JAZF1: variants seen among roughly 807,000 people sequenced by gnomAD.
JAZF1 encodes JAZF zinc finger 1, also known as juxtaposed with another zinc finger protein 1.
In JAZF1, 8 loss-of-function variants were observed where a neutral mutation model predicts 26.4. The ratio of observed to expected loss-of-function variants is 0.30; its 90% CI spans 0.18 to 0.55. The LOEUF is 0.55. JAZF1 is among the 20% of genes least tolerant of loss of function. JAZF1 has a pLI of 0.94. For missense variants in JAZF1, 199 were observed against 322.0 expected, an observed-to-expected ratio of 0.62 and a Z score of 2.92; for synonymous variants, 126 against 122.3, an observed-to-expected ratio of 1.03 and a Z score of -0.20.
intron 1 of JAZF1, among the ~76,000 whole-genome samples, chr7:28,004,763 G>T (rs1010406264): frequency 6.6e-6 from 1 of 151,928 alleles, no homozygotes; most frequent in Middle Eastern, 3.4e-3. Flanking sequence ...AGTGATTCTC[G>T]TGCCTTGGTC....
chr7:28,055,964 A>G (rs1783699438), intron 1 of JAZF1, among the ~76,000 whole-genome samples: 1 of 152,296 alleles, frequency 6.6e-6, no homozygotes, highest in African/African-American at 2.4e-5. Context: ...AATTCTCAGA[A>G]AACATTGTAC....
At chr7:28,144,083 T>C (rs849140) in intron 1 of JAZF1, among the ~76,000 whole-genome samples, 88,304 of 152,062 alleles carry the variant, frequency 0.58, 25,895 homozygotes, top group East Asian at 0.7. Flanking sequence ...TCTGCATTTG[T>C]AGCATGTTTA....
intron 1 of JAZF1, among the ~76,000 whole-genome samples, chr7:28,168,129 T>C (rs1324500435): frequency 6.6e-6 from 1 of 152,152 alleles, no homozygotes; most frequent in African/African-American, 2.4e-5. Flanking sequence ...ATGCCTGTAA[T>C]CCCAGCACTT....
At chr7:28,021,168 G>A (rs1046604797) in intron 1 of JAZF1, among the ~76,000 whole-genome samples, 3 of 152,120 alleles carry the variant, frequency 2.0e-5, no homozygotes, top group Non-Finnish European at 4.4e-5. Context: ...CGGCGGACAC[G>A]GGCCGAGAGA....
intron 1 of JAZF1, among the ~76,000 whole-genome samples, chr7:28,023,941 A>G (rs1783048125): frequency 6.6e-6 from 1 of 152,166 alleles, no homozygotes; most frequent in African/African-American, 2.4e-5. Flanking sequence ...CTTAGAATAG[A>G]TAACATTTAA....
intron 2 of JAZF1, among the ~76,000 whole-genome samples, chr7:27,896,761 T>C (rs540750295): frequency 6.6e-6 from 1 of 152,356 alleles, no homozygotes; most frequent in East Asian, 1.9e-4. Context: ...TCTATTTTTA[T>C]ACTTGGAACA....
At chr7:28,010,835 G>A (rs1242354146) in intron 1 of JAZF1, among the ~76,000 whole-genome samples, 1 of 152,198 alleles carries the variant, frequency 6.6e-6, no homozygotes, top group Non-Finnish European at 1.5e-5. Flanking sequence ...ATTATTAAAC[G>A]ACATCACAAC....
At chr7:28,137,087 A>G (rs1386664279) in intron 1 of JAZF1, among the ~76,000 whole-genome samples, 1 of 152,200 alleles carries the variant, frequency 6.6e-6, no homozygotes, top group Non-Finnish European at 1.5e-5. Flanking sequence ...GGGGCACTGG[A>G]AAGCAGTGAC....
chr7:27,891,114 A>C (rs1264796212), intron 3 of JAZF1, among the ~76,000 whole-genome samples: 2 of 152,182 alleles, frequency 1.3e-5, no homozygotes, highest in East Asian at 1.9e-4. Context: ...TAAAAGGAGA[A>C]GGGTATGAAT....
chr7:28,133,214 A>G (rs7792472), intron 1 of JAZF1, among the ~76,000 whole-genome samples: 5,440 of 152,334 alleles, frequency 0.036, 304 homozygotes, highest in African/African-American at 0.12. Flanking sequence ...CATTATGCAC[A>G]TTATGAATCA....
At chr7:27,967,176 A>C (rs1431287318) in intron 2 of JAZF1, among the ~76,000 whole-genome samples, 1 of 152,198 alleles carries the variant, frequency 6.6e-6, no homozygotes, top group Non-Finnish European at 1.5e-5. Flanking sequence ...AAGAAATTCA[A>C]CTAGCTGCAC....
At chr7:28,085,744 A>G (rs966863589) in intron 1 of JAZF1, among the ~76,000 whole-genome samples, 2 of 152,244 alleles carry the variant, frequency 1.3e-5, no homozygotes, top group African/African-American at 4.8e-5. Flanking sequence ...GACAGATTCT[A>G]AGTTTGAGGT....
chr7:27,963,820 G>T (rs2128357869), intron 2 of JAZF1, among the ~76,000 whole-genome samples: 1 of 152,224 alleles, frequency 6.6e-6, no homozygotes, highest in African/African-American at 2.4e-5. Context: ...CTCCTACCTT[G>T]GGCTCCCAAA....
intron 2 of JAZF1, among the ~76,000 whole-genome samples, chr7:27,986,318 A>AACAG (rs369251311): frequency 6.6e-6 from 1 of 152,304 alleles, no homozygotes; most frequent in South Asian, 2.1e-4. Context: ...ATACACCAAT[A>AACAG]ACAGACAGAC....
chr7:27,903,015 TAAAA>T (rs60212939), intron 2 of JAZF1, among the ~76,000 whole-genome samples: 3 of 98,946 alleles, frequency 3.0e-5, no homozygotes, highest in Non-Finnish European at 4.0e-5. Context: ...GACTCCGTCT[TAAAA>T]AAAAAAAAAA....
At chr7:28,034,286 G>A (rs1446184312) in intron 1 of JAZF1, among the ~76,000 whole-genome samples, 5 of 151,382 alleles carry the variant, frequency 3.3e-5, no homozygotes, top group Non-Finnish European at 5.9e-5. Context: ...AGGTTAGGAT[G>A]GGTTTTTGTT....
chr7:28,119,779 A>G (rs1362879027), intron 1 of JAZF1, among the ~76,000 whole-genome samples: 1 of 152,198 alleles, frequency 6.6e-6, no homozygotes, highest in African/African-American at 2.4e-5. Flanking sequence ...GCCAGATGCT[A>G]TTCTGGGCAT....
chr7:27,933,728 G>A (rs1022944955), intron 2 of JAZF1, among the ~76,000 whole-genome samples: 2 of 152,100 alleles, frequency 1.3e-5, no homozygotes, highest in Non-Finnish European at 2.9e-5. Flanking sequence ...CCACATCAGG[G>A]GAGCTTTCTC....
At chr7:28,057,199 G>C (rs1190758963) in intron 1 of JAZF1, among the ~76,000 whole-genome samples, 1 of 152,146 alleles carries the variant, frequency 6.6e-6, no homozygotes, top group Non-Finnish European at 1.5e-5. Context: ...TAAACAATTT[G>C]CTAAATAAAT....
Sources: allele counts gnomAD v4.1 joint callset (sites outside exome capture counted in the v4.1 genomes callset), GRCh38; gene constraint gnomAD v4.1.1; transcripts MANE v1.5; gene names NCBI Gene and HGNC (gene_info 2026-07-23, HGNC 2026-07-21).